The following ANK3 variants were observed in gnomAD, a reference collection of about 807,000 sequenced individuals.
ANK3 encodes ankyrin 3.
In ANK3, 57 loss-of-function variants were observed where a neutral mutation model predicts 370.9. The observed-to-expected ratio is 0.15, with a 90% CI of 0.12 to 0.19. ANK3 has a LOEUF of 0.19. ANK3 is among the 10% of genes least tolerant of loss of function. ANK3 has a pLI of 1.00. For missense variants in ANK3, 4,439 were observed against 5,302.1 expected, an observed-to-expected ratio of 0.84 and a Z score of 5.06; for synonymous variants, 1,929 against 1,946.3, an observed-to-expected ratio of 0.99 and a Z score of 0.23.
At chr10:60,107,115 G>C (rs2092269269) in intron 27 of ANK3, among the ~76,000 whole-genome samples, 1 of 151,826 alleles carries the variant, frequency 6.6e-6, no homozygotes, top group Non-Finnish European at 1.5e-5. Context: ...GCTTCAAACG[G>C]GGATGATAAA....
chr10:60,396,013 C>A (rs1043399441), intron 2 of ANK3, among the ~76,000 whole-genome samples: 1 of 152,196 alleles, frequency 6.6e-6, no homozygotes, highest in Non-Finnish European at 1.5e-5. Context: ...ACATGCCCAA[C>A]TGCTCATAAC....
intron 7 of ANK3, among the ~76,000 whole-genome samples, chr10:60,249,760 T>C (rs16914651): frequency 0.18 from 27,563 of 152,098 alleles, 2,670 homozygotes; most frequent in East Asian, 0.36. Context: ...CCAGCTACCA[T>C]CAGTGGCCGA....
At chr10:60,254,740 G>T (rs1168660324) in intron 7 of ANK3, among the ~76,000 whole-genome samples, 1 of 152,118 alleles carries the variant, frequency 6.6e-6, no homozygotes, top group African/African-American at 2.4e-5. Context: ...CTCCCTTAAC[G>T]CAGCTGAGTT....
intron 2 of ANK3, among the ~76,000 whole-genome samples, chr10:60,609,984 C>T (rs1026310224): frequency 6.6e-6 from 1 of 151,864 alleles, no homozygotes; most frequent in African/African-American, 2.4e-5. Flanking sequence ...AAGGGTTAAT[C>T]AGAATATAAA....
Position 60,691,498 on chromosome 10 carries a change from G to A in ANK3, c.57+41765C>T, listed in dbSNP as rs141771258. ...TTTAGAATCGTACCAGGCACACAGAGAAGATCCACTAAACGTTTGCCACTT... is the reference window on the plus strand; with the variant it reads ...TTTAGAATCGTACCAGGCACACAGAAAAGATCCACTAAACGTTTGCCACTT... On this transcript the variant is annotated intron_variant, in intron 1 of 43. Transcript: ENST00000373827. 1.6e-4 allele frequency among the ~76,000 whole-genome samples: 25 copies of A among 152,250 alleles called. No individual in the cohort carries two copies. In the East Asian group the frequency reaches 4.8e-3, roughly 29 times the overall value.
Position 60,028,513 on chromosome 10 carries a change from T to TTATG in ANK3, c.*1329_*1332dup, listed in dbSNP as rs1477314881. 1.3e-5 allele frequency: 2 copies of TTATG among 152,656 alleles called. No individual in the cohort carries two copies. The highest frequency in any genetic ancestry group is 2.4e-5 in the African/African-American group (1 of 41,450). The allele number at this position is 152,656 out of a possible 1,614,324, so 9.5% of individuals were successfully genotyped here. ...AGCTATGTGTCAATGAATGCTGATT[T>TTATG]TATGTGAATATAATCAACAAATTAA... On this transcript the variant is annotated 3_prime_UTR_variant, in exon 44 of 44. Coordinates refer to ENST00000280772, the MANE Select transcript of ANK3 (RefSeq NM_020987.5).
intron 8 of ANK3, 97 bp downstream of exon 8, chr10:60,234,590 GA>G: frequency 1.4e-6 from 1 of 691,416 alleles, no homozygotes; most frequent in Non-Finnish European, 2.6e-6. Context: ...AAATAGAACA[GA>G]AAACAAAGCT....
rs1253077044 is a variant in ANK3, at chr10:60,359,092, C to A, written c.114+30333G>T. Among the ~76,000 whole-genome samples the A allele has an allele frequency of 2.0e-5, 3 of 152,120 alleles. No homozygotes were observed. The East Asian group carries it at 5.8e-4, about 29-fold the overall frequency. On this transcript the variant is annotated intron_variant, in intron 1 of 43. Coordinates refer to ENST00000280772, the MANE Select transcript of ANK3 (RefSeq NM_020987.5). ...TATAAGCCCTATTCTTGCAGGGTCT[C>A]ATGCTGTCTTATTCACTACTGTAAC... is the stretch of plus-strand genomic sequence containing the variant.
At chr10:60,376,822 A>G (rs1448052988) in intron 1 of ANK3, among the ~76,000 whole-genome samples, 1 of 152,226 alleles carries the variant, frequency 6.6e-6, no homozygotes, top group Admixed American at 6.5e-5. Context: ...AATGAAGACA[A>G]ACGAATGGGT....
intron 23 of ANK3, among the ~76,000 whole-genome samples, chr10:60,147,328 T>C (rs889116133): frequency 3.3e-5 from 5 of 152,150 alleles, no homozygotes; most frequent in African/African-American, 1.2e-4. Flanking sequence ...AGAGTGAGCA[T>C]TCACTTCCTG....
chr10:60,362,729 C>T (rs1480850646), intron 1 of ANK3, among the ~76,000 whole-genome samples: 1 of 152,128 alleles, frequency 6.6e-6, no homozygotes, highest in South Asian at 2.1e-4. Context: ...GAGAGGATCC[C>T]CACACATTGA....
At chr10:60,699,792 A>G (rs2079521959) in intron 1 of ANK3, among the ~76,000 whole-genome samples, 1 of 152,152 alleles carries the variant, frequency 6.6e-6, no homozygotes, top group Non-Finnish European at 1.5e-5. Flanking sequence ...TTGTTACTTT[A>G]TTTTAATCTC....
In ANK3 at chr10:60,455,752, C is replaced by T. The variant is rs561806621; in HGVS notation, c.96+159434G>A. Among the ~76,000 whole-genome samples the T allele has an allele frequency of 3.9e-5, 6 of 152,250 alleles. No homozygotes were observed. In the East Asian group the frequency reaches 1.2e-3, roughly 29 times the overall value. On this transcript the variant is annotated intron_variant, in intron 2 of 43. Transcript: ENST00000373827. ...ATTCATAGGCTAACCCTATAGGAGG[C>T]TTTGACCATTTTTGGCCCTTATCAG...
intron 2 of ANK3, among the ~76,000 whole-genome samples, chr10:60,395,376 G>A (rs554079616): frequency 3.8e-4 from 58 of 152,162 alleles, no homozygotes; most frequent in Admixed American, 2.5e-3. Context: ...GTGGTTATTC[G>A]AAATGTGAAA....
chr10:60,114,866 A>G (rs1319566429), intron 25 of ANK3, among the ~76,000 whole-genome samples: 1 of 152,204 alleles, frequency 6.6e-6, no homozygotes, highest in Non-Finnish European at 1.5e-5. Flanking sequence ...GAGGGTGAAC[A>G]TCTTCAGGAG....
At chr10:60,046,528 C>T (rs1016136005) in intron 42 of ANK3, among the ~76,000 whole-genome samples, 1 of 151,972 alleles carries the variant, frequency 6.6e-6, no homozygotes, top group Admixed American at 6.6e-5. Flanking sequence ...TATGTATAAG[C>T]ATAGTGAATA....
chr10:60,377,921 C>T (rs1490832558), intron 1 of ANK3, among the ~76,000 whole-genome samples: 1 of 152,188 alleles, frequency 6.6e-6, no homozygotes, highest in Non-Finnish European at 1.5e-5. Flanking sequence ...TTATTTTTAT[C>T]GTAAATTGAA....
intron 2 of ANK3, among the ~76,000 whole-genome samples, chr10:60,458,657 G>A (rs1352191273): frequency 6.6e-6 from 1 of 152,128 alleles, no homozygotes; most frequent in Non-Finnish European, 1.5e-5. Flanking sequence ...GACTAGATGA[G>A]AGAAAGGGAA....
chr10:60,488,369 A>G (rs1031122379), intron 2 of ANK3, among the ~76,000 whole-genome samples: 2 of 152,224 alleles, frequency 1.3e-5, no homozygotes, highest in African/African-American at 4.8e-5. Flanking sequence ...CCTGAAAAAT[A>G]TGTTGAGAAA....
Sources: allele counts gnomAD v4.1 joint callset (sites outside exome capture counted in the v4.1 genomes callset), GRCh38; gene constraint gnomAD v4.1.1; transcripts MANE v1.5; gene names NCBI Gene and HGNC (gene_info 2026-07-23, HGNC 2026-07-21).